Variants in SUMF1 observed in about 807,000 individuals in gnomAD.
SUMF1 encodes the protein formylglycine-generating enzyme.
SUMF1 carries 48 observed loss-of-function variants against 47.6 expected under a neutral mutation model. The observed-to-expected ratio is 1.01, with a 90% CI of 0.80 to 1.28. The LOEUF (loss-of-function observed/expected upper bound fraction) is 1.28, where lower values mean the gene tolerates loss of function less well. SUMF1 is among the 50% of genes most tolerant of loss of function. The probability of loss-of-function intolerance (pLI) is 0.00; values close to 1 mark genes in which losing one functional copy is unlikely to be tolerated. For synonymous variants in SUMF1, 230 were observed against 192.1 expected (o/e 1.20, Z -1.63); for missense variants, 571 against 485.4 (o/e 1.18, Z -1.66).
chr3:4,280,088 T>C (rs771761007), intron 8 of SUMF1, among the ~76,000 whole-genome samples: 2 of 152,150 alleles, frequency 1.3e-5, no homozygotes, highest in African/African-American at 2.4e-5. Flanking sequence ...TTTTAAGTGT[T>C]CTTACCACAC....
intron 7 of SUMF1, among the ~76,000 whole-genome samples, chr3:4,406,046 G>A (rs1014044701): frequency 2.6e-5 from 4 of 151,264 alleles, no homozygotes; most frequent in Non-Finnish European, 4.4e-5. Context: ...TCCCTGCCTC[G>A]CCCCACACCG....
rs868687187 is a variant in SUMF1 at position 4,305,692 on chromosome 3, C to A, written c.1014+70638G>T. Among the ~76,000 whole-genome samples, 4 of 152,080 alleles carry A rather than the reference C, an allele frequency of 2.6e-5. No individual in the cohort carries two copies. The South Asian group carries it at 8.3e-4, about 32-fold the overall frequency. On this transcript the variant is annotated intron_variant and NMD_transcript_variant, in intron 8 of 12. Coordinates refer to the SUMF1 transcript ENST00000448413. The stretch of plus-strand genomic sequence containing the variant: ...ATGCCAGAGTCAGGTAGAAAGCAGA[C>A]CATGCTATATAGGGTTAAAATTAAA...
At chr3:4,353,445 G>A (rs371901144) in intron 8 of SUMF1, among the ~76,000 whole-genome samples, 1 of 152,034 alleles carries the variant, frequency 6.6e-6, no homozygotes, top group African/African-American at 2.4e-5. Flanking sequence ...GTAGAGACGG[G>A]GTTTCACCGT....
intron 8 of SUMF1, among the ~76,000 whole-genome samples, chr3:4,228,033 C>G (rs1019360452): frequency 2.0e-5 from 3 of 151,828 alleles, no homozygotes; most frequent in Non-Finnish European, 4.4e-5. Flanking sequence ...ATGCAAAGGC[C>G]CTGCAATGGG....
At chr3:4,108,156 T>G (rs1693201139) in intron 8 of SUMF1, among the ~76,000 whole-genome samples, 1 of 152,132 alleles carries the variant, frequency 6.6e-6, no homozygotes, top group South Asian at 2.1e-4. Flanking sequence ...AAAGAACATC[T>G]TTATTTCTGC....
At chr3:4,068,542 A>G in intron 9 of SUMF1, 1 of 253,660 alleles carries the variant, frequency 3.9e-6, no homozygotes, top group Non-Finnish European at 8.3e-6. Context: ...CTAAGTCTTC[A>G]AAATTCAGTG....
At chr3:4,300,640 A>G (rs1174321852) in intron 8 of SUMF1, among the ~76,000 whole-genome samples, 1 of 152,238 alleles carries the variant, frequency 6.6e-6, no homozygotes, top group Non-Finnish European at 1.5e-5. Context: ...CCCTTCTGGG[A>G]TAACTAAGTA....
intron 8 of SUMF1, among the ~76,000 whole-genome samples, chr3:4,291,064 G>T (rs144858697): frequency 8.5e-4 from 129 of 152,262 alleles, no homozygotes; most frequent in Non-Finnish European, 1.5e-3. Flanking sequence ...AAGGATAAAA[G>T]AACCCACATA....
chr3:4,038,825 T>A (rs551761054), intron 9 of SUMF1, among the ~76,000 whole-genome samples: 1 of 152,226 alleles, frequency 6.6e-6, no homozygotes, highest in African/African-American at 2.4e-5. Context: ...CTGGGTATGC[T>A]CAGGATAGCT....
At chr3:4,306,140 G>A (rs980184677) in intron 8 of SUMF1, among the ~76,000 whole-genome samples, 7 of 152,152 alleles carry the variant, frequency 4.6e-5, no homozygotes, top group South Asian at 2.1e-4. Flanking sequence ...TATTCCTGCC[G>A]TGCGTGTGTG....
intron 7 of SUMF1, among the ~76,000 whole-genome samples, chr3:4,401,320 G>A (rs893343558): frequency 8.5e-5 from 13 of 152,088 alleles, no homozygotes; most frequent in Admixed American, 7.9e-4. Flanking sequence ...AAGCCTTTGG[G>A]TATATACCCA....
chr3:4,112,317 T>G (rs1257353900), intron 8 of SUMF1, among the ~76,000 whole-genome samples: 1 of 152,166 alleles, frequency 6.6e-6, no homozygotes. Flanking sequence ...CACATGCCAA[T>G]GCTGAGAGGG....
intron 8 of SUMF1, among the ~76,000 whole-genome samples, chr3:4,243,714 T>C (rs1213675349): frequency 6.6e-6 from 1 of 152,154 alleles, no homozygotes; most frequent in African/African-American, 2.4e-5. Context: ...AAGTATGATG[T>C]GGTGCTGAGA....
intron 8 of SUMF1, among the ~76,000 whole-genome samples, chr3:4,295,242 C>A (rs950209782): frequency 6.6e-6 from 1 of 151,906 alleles, no homozygotes; most frequent in African/African-American, 2.4e-5. Flanking sequence ...GTTGCAGGAA[C>A]GTTGCATTAT....
intron 4 of SUMF1, among the ~76,000 whole-genome samples, chr3:4,419,457 G>A (rs755182287): frequency 2.0e-4 from 30 of 152,222 alleles, no homozygotes; most frequent in Admixed American, 3.9e-4. Context: ...GGGCTGCTGA[G>A]ATGCTGAGTC....
At chr3:4,100,877 G>T (rs1052734111) in intron 8 of SUMF1, among the ~76,000 whole-genome samples, 3 of 151,926 alleles carry the variant, frequency 2.0e-5, no homozygotes, top group Non-Finnish European at 2.9e-5. Flanking sequence ...GGAAGACATA[G>T]AAATGATCAA....
chr3:4,392,873 T>C (rs1251766553), intron 7 of SUMF1, among the ~76,000 whole-genome samples: 1 of 151,988 alleles, frequency 6.6e-6, no homozygotes, highest in African/African-American at 2.4e-5. Context: ...TTGTGTTGCA[T>C]ACTTGAACAG....
At chr3:4,335,089 T>C (rs1281348384) in intron 8 of SUMF1, among the ~76,000 whole-genome samples, 1 of 152,094 alleles carries the variant, frequency 6.6e-6, no homozygotes, top group East Asian at 1.9e-4. Context: ...GGGATTTCAG[T>C]TGACATAAGA....
At chr3:4,227,846 C>A (rs993469001) in intron 8 of SUMF1, among the ~76,000 whole-genome samples, 2 of 152,158 alleles carry the variant, frequency 1.3e-5, no homozygotes, top group African/African-American at 4.8e-5. Context: ...CAGGAGCCAA[C>A]ACATTCCTTT....
Sources: gnomAD v4.1 joint callset for allele counts (sites outside exome capture counted in the v4.1 genomes callset) on GRCh38, gnomAD v4.1.1 for gene constraint, MANE v1.5 for transcripts, NCBI Gene and HGNC (gene_info 2026-07-23, HGNC 2026-07-21) for gene names.